The following PBX1 variants were observed in gnomAD, a reference collection of about 807,000 sequenced individuals.
PBX1 encodes the protein PBX homeobox 1, also known as pre-B-cell leukemia transcription factor 1.
A neutral mutation model predicts 53.4 loss-of-function variants in PBX1; 6 were observed. The ratio of observed to expected loss-of-function variants is 0.11; its 90% confidence interval spans 0.06 to 0.22. The LOEUF is 0.22. PBX1 is among the 10% of genes least tolerant of loss of function. PBX1 has a pLI of 1.00. For synonymous variants in PBX1, 204 were observed against 212.3 expected (o/e 0.96, Z 0.34); for missense variants, 251 against 551.4 (o/e 0.46, Z 5.46).
Position 164,635,582 on chromosome 1 carries a change from A to G in PBX1, c.265+72271A>G, listed in dbSNP as rs1329718085. Among the ~76,000 whole-genome samples, 7 of 152,168 alleles carry G rather than the reference A, an allele frequency of 4.6e-5. No individual in the cohort carries two copies. In the East Asian group the frequency reaches 5.8e-4, roughly 13 times the overall value. ...GTCTGAGGCGCGCGCGGGCTGCGCCATTCTCCCGCTCGTCTCGCCACGCTT... is the reference window on the plus strand; with the variant it reads ...GTCTGAGGCGCGCGCGGGCTGCGCCGTTCTCCCGCTCGTCTCGCCACGCTT... On this transcript the variant is annotated intron_variant, in intron 2 of 8. Coordinates refer to ENST00000420696, the MANE Select transcript of PBX1 (RefSeq NM_002585.4).
intron 2 of PBX1, among the ~76,000 whole-genome samples, chr1:164,758,433 T>C (rs936931026): frequency 1.3e-5 from 2 of 152,288 alleles, no homozygotes; most frequent in Middle Eastern, 3.4e-3. Context: ...AGATGTGCCA[T>C]GATGCCAGGG....
intron 2 of PBX1, among the ~76,000 whole-genome samples, chr1:164,760,866 C>T (rs1434606569): frequency 6.6e-6 from 1 of 152,136 alleles, no homozygotes; most frequent in Non-Finnish European, 1.5e-5. Context: ...TCTTTTTCAC[C>T]TCGGACATTT....
chr1:164,625,617 A>T (rs1325966720), intron 2 of PBX1, among the ~76,000 whole-genome samples: 1 of 152,184 alleles, frequency 6.6e-6, no homozygotes, highest in Admixed American at 6.5e-5. Flanking sequence ...GAAAAAGCAC[A>T]TTCATTATCA....
At chr1:164,625,068 C>A (rs1657946968) in intron 2 of PBX1, among the ~76,000 whole-genome samples, 1 of 152,146 alleles carries the variant, frequency 6.6e-6, no homozygotes, top group African/African-American at 2.4e-5. Flanking sequence ...ACATGTTACA[C>A]CATGTAGAAA....
At chr1:164,804,790 G>A (rs1270336127) in intron 4 of PBX1, among the ~76,000 whole-genome samples, 2 of 152,216 alleles carry the variant, frequency 1.3e-5, no homozygotes, top group Non-Finnish European at 2.9e-5. Context: ...GCACATGCTA[G>A]GTACTCCAAT....
chr1:164,882,116 CTT>C (rs879926385), intron 2 of PBX1, among the ~76,000 whole-genome samples: 1 of 145,380 alleles, frequency 6.9e-6, no homozygotes. Flanking sequence ...TAGTCCAACC[CTT>C]TTTTTTTTTT....
Position 164,668,192 on chromosome 1 carries a change from T to A in PBX1, c.265+104881T>A, listed in dbSNP as rs573260386. ...GCTACATGGTCCTGAACTTGTCTTTTCAGCACTCTGTGGAATGAGCATAAA... is the reference window on the plus strand; with the variant it reads ...GCTACATGGTCCTGAACTTGTCTTTACAGCACTCTGTGGAATGAGCATAAA... On this transcript the variant is annotated intron_variant, in intron 2 of 8. Transcript: ENST00000420696. 1.9e-3 allele frequency among the ~76,000 whole-genome samples: 288 copies of A among 152,272 alleles called. 1 individual carries two copies. The highest frequency in any genetic ancestry group is 5.8e-3 in the African/African-American group (239 of 41,550).
At chr1:164,805,973 A>G (rs1320739401) in intron 4 of PBX1, among the ~76,000 whole-genome samples, 2 of 152,184 alleles carry the variant, frequency 1.3e-5, no homozygotes, top group African/African-American at 4.8e-5. Context: ...AAAATACAAT[A>G]TTAGCTGAAT....
intron 2 of PBX1, among the ~76,000 whole-genome samples, chr1:164,728,285 C>G (rs555849483): frequency 8.0e-4 from 121 of 151,282 alleles, no homozygotes; most frequent in African/African-American, 2.8e-3. Flanking sequence ...CCACTACACT[C>G]CAGCTTGGGT....
At chr1:164,765,463 C>G (rs1667015159) in intron 2 of PBX1, among the ~76,000 whole-genome samples, 1 of 152,196 alleles carries the variant, frequency 6.6e-6, no homozygotes, top group African/African-American at 2.4e-5. Flanking sequence ...TAATGGCTCC[C>G]TTCTGGTGCC....
At chr1:164,613,972 A>G (rs1657105531) in intron 2 of PBX1, among the ~76,000 whole-genome samples, 2 of 151,934 alleles carry the variant, frequency 1.3e-5, no homozygotes, top group Non-Finnish European at 2.9e-5. Context: ...CTTTGCTAGT[A>G]AAGCAGCACT....
chr1:164,683,265 C>G (rs1055305545), intron 2 of PBX1: 22 of 152,068 alleles, frequency 1.4e-4, no homozygotes, highest in Non-Finnish European at 2.9e-4. Context: ...AGAAATAGCC[C>G]CATTTTACAG....
intron 2 of PBX1, among the ~76,000 whole-genome samples, chr1:164,783,172 CTG>C (rs1484388169): frequency 6.6e-6 from 1 of 152,166 alleles, no homozygotes; most frequent in African/African-American, 2.4e-5. Context: ...GGGTTGAAGA[CTG>C]TGGCATCTCC....
intron 3 of PBX1, among the ~76,000 whole-genome samples, chr1:164,793,815 G>GTTTCTTCT (rs1668642341): frequency 8.8e-6 from 1 of 114,262 alleles, no homozygotes; most frequent in South Asian, 2.8e-4. Flanking sequence ...CTTTTTTTTC[G>GTTTCTTCT]TTTCTTCTTT....
intron 2 of PBX1, among the ~76,000 whole-genome samples, chr1:164,732,364 G>C (rs1665040881): frequency 6.6e-6 from 1 of 152,108 alleles, no homozygotes; most frequent in Non-Finnish European, 1.5e-5. Context: ...TCTCAGTTTT[G>C]CCAGTTAATG....
At chr1:164,669,961 T>C (rs1159660222) in intron 2 of PBX1, among the ~76,000 whole-genome samples, 1 of 152,228 alleles carries the variant, frequency 6.6e-6, no homozygotes, top group Admixed American at 6.5e-5. Flanking sequence ...TCTGGGCTTC[T>C]GTAAGCCCTT....
intron 2 of PBX1, among the ~76,000 whole-genome samples, chr1:164,643,976 G>A (rs993764345): frequency 1.3e-5 from 2 of 152,176 alleles, no homozygotes; most frequent in African/African-American, 4.8e-5. Context: ...TTTGGGTTCA[G>A]TTTAACTTTA....
intron 2 of PBX1, chr1:164,626,131 A>G: frequency 4.9e-6 from 5 of 1,018,084 alleles, no homozygotes; most frequent in Non-Finnish European, 5.9e-6. Flanking sequence ...CTGAATGGCC[A>G]GTTGACTTGA....
chr1:164,601,614 A>C (rs1030097212), intron 2 of PBX1, among the ~76,000 whole-genome samples: 9 of 152,150 alleles, frequency 5.9e-5, no homozygotes, highest in African/African-American at 1.2e-4. Flanking sequence ...GGAGGGTCTT[A>C]ATTTTGGCAG....
Sources: allele counts gnomAD v4.1 joint callset (sites outside exome capture counted in the v4.1 genomes callset), GRCh38; gene constraint gnomAD v4.1.1; transcripts MANE v1.5; gene names NCBI Gene and HGNC (gene_info 2026-07-23, HGNC 2026-07-21).